RYR2: variants seen among roughly 807,000 people sequenced by gnomAD.
The protein encoded by RYR2 is ryanodine receptor 2.
Under a neutral mutation model 601.1 loss-of-function variants are expected in RYR2, and 227 were observed. That is an observed-to-expected ratio of 0.38 (90% CI 0.34 to 0.42). The LOEUF is 0.42. Among genes scored for constraint, RYR2 ranks in the 10% least tolerant of loss-of-function variants. The pLI is 1.00. For missense variants in RYR2, 4,646 were observed against 6,156.5 expected (o/e 0.75, Z 8.21); for synonymous variants, 2,223 against 2,175.1 (o/e 1.02, Z -0.61).
chr1:237,250,995 T>C (rs1687400458), intron 1 of RYR2, among the ~76,000 whole-genome samples: 2 of 151,664 alleles, frequency 1.3e-5, no homozygotes, highest in South Asian at 4.2e-4. Flanking sequence ...TGTCCTACCC[T>C]ACTTTATTTT....
rs536322665 is a variant in RYR2, at chr1:237,748,771, T to C, written c.11145+6422T>C. On this transcript the variant is annotated intron_variant, in intron 80 of 104. Coordinates refer to ENST00000366574, the MANE Select transcript of RYR2 (RefSeq NM_001035.3). ...TATAGAAGACATGCAGCTGGCCCTC[T>C]TTATCTGTGGCTTCCACATCCTTGG... 7.9e-5 allele frequency among the ~76,000 whole-genome samples: 12 copies of C among 152,342 alleles called. No individual in the cohort carries two copies. The East Asian group carries it at 2.3e-3, about 29-fold the overall frequency.
intron 2 of RYR2, among the ~76,000 whole-genome samples, chr1:237,299,632 C>T (rs377749551): frequency 6.6e-6 from 1 of 152,114 alleles, no homozygotes; most frequent in East Asian, 1.9e-4. Context: ...TATATTATCC[C>T]TGAGTGGTGG....
At chr1:237,539,766 G>T (rs1439977260) in intron 25 of RYR2, among the ~76,000 whole-genome samples, 1 of 152,106 alleles carries the variant, frequency 6.6e-6, no homozygotes, top group Non-Finnish European at 1.5e-5. Context: ...TTGATGGGTT[G>T]ATAGGTGCAG....
intron 2 of RYR2, among the ~76,000 whole-genome samples, chr1:237,318,939 A>G (rs965930954): frequency 3.3e-5 from 5 of 151,932 alleles, no homozygotes; most frequent in Non-Finnish European, 7.4e-5. Flanking sequence ...TGAGACTCCC[A>G]TTACACGTAT....
chr1:237,551,171 G>T (rs2148116883), intron 27 of RYR2, among the ~76,000 whole-genome samples: 1 of 152,296 alleles, frequency 6.6e-6, no homozygotes, highest in Non-Finnish European at 1.5e-5. Flanking sequence ...CTAACTATGT[G>T]TTGAACACAA....
intron 1 of RYR2, among the ~76,000 whole-genome samples, chr1:237,238,494 A>T (rs549214476): frequency 6.6e-6 from 1 of 152,320 alleles, no homozygotes; most frequent in South Asian, 2.1e-4. Flanking sequence ...GGGCTGTGTC[A>T]TGGGCCTTGG....
chr1:237,387,445 T>C, intron 9 of RYR2, 65 bp downstream of exon 9: 1 of 1,404,194 alleles, frequency 7.1e-7, no homozygotes, highest in Non-Finnish European at 1.0e-6. Context: ...TCTTTGGAAT[T>C]GTGATAATGA....
intron 1 of RYR2, among the ~76,000 whole-genome samples, chr1:237,061,242 TATCTATCTATC>T (rs1360791278): frequency 3.0e-5 from 4 of 134,778 alleles, no homozygotes; most frequent in Admixed American, 7.5e-5. Context: ...TCTATCTATC[TATCTATCTATC>T]ATCTATCTAT....
At chr1:237,624,416 G>C (rs949336759) in intron 39 of RYR2, among the ~76,000 whole-genome samples, 3 of 152,214 alleles carry the variant, frequency 2.0e-5, no homozygotes, top group Non-Finnish European at 4.4e-5. Context: ...ATTTATGTCT[G>C]TTCCTGGTGG....
At chr1:237,341,957 G>A (rs561578530) in intron 3 of RYR2, among the ~76,000 whole-genome samples, 6 of 152,170 alleles carry the variant, frequency 3.9e-5, no homozygotes, top group East Asian at 1.9e-4. Flanking sequence ...TCCCCCTTTC[G>A]TTGTCCAAAG....
At chr1:237,735,678 A>G (rs1558313540) in intron 79 of RYR2, among the ~76,000 whole-genome samples, 4 of 152,176 alleles carry the variant, frequency 2.6e-5, no homozygotes, top group Non-Finnish European at 5.9e-5. Flanking sequence ...AGAATGCTCA[A>G]ATCCCTGACT....
Position 237,178,551 on chromosome 1 carries a change from G to C in RYR2, c.49-91946G>C, listed in dbSNP as rs1000319249. Among the ~76,000 whole-genome samples the C allele has an allele frequency of 5.3e-5, 8 of 151,702 alleles. No homozygotes were observed. In the Admixed American group the frequency reaches 5.3e-4, roughly 10 times the overall value. ...TCTTAGATGTCAAAGTTGGCTAGTT[G>C]CGGTGGCTCACACCTCTAATCCCAG... On this transcript the variant is annotated intron_variant, in intron 1 of 104. Coordinates refer to ENST00000366574, the MANE Select transcript of RYR2 (RefSeq NM_001035.3).
At chr1:237,711,898 A>G (rs540242558) in intron 71 of RYR2, 61 bp downstream of exon 71, 9 of 799,480 alleles carry the variant, frequency 1.1e-5, no homozygotes, top group African/African-American at 1.0e-4. Context: ...TCATGAATTG[A>G]CTTTTTTTTT....
At chr1:237,209,756 T>A (rs1276473608) in intron 1 of RYR2, among the ~76,000 whole-genome samples, 1 of 152,096 alleles carries the variant, frequency 6.6e-6, no homozygotes, top group African/African-American at 2.4e-5. Context: ...CTTGGGAGGC[T>A]GAGTTGGGAG....
chr1:237,481,127 C>T lies in RYR2; in HGVS notation c.1709-10679C>T, dbSNP rs534501332. 5.6e-4 allele frequency among the ~76,000 whole-genome samples: 81 copies of T among 145,452 alleles called. 1 individual carries two copies. The highest frequency in any genetic ancestry group is 6.1e-4 in the Admixed American group (9 of 14,644). ...ATATACATATATATATATATATATA[C>T]ACACACATATATATATTCATATCAA... On this transcript the variant is annotated intron_variant, in intron 17 of 104. Transcript: ENST00000366574.
intron 1 of RYR2, among the ~76,000 whole-genome samples, chr1:237,160,591 C>A (rs914459003): frequency 2.0e-5 from 3 of 151,518 alleles, no homozygotes; most frequent in African/African-American, 7.3e-5. Flanking sequence ...GGCAGTGTAT[C>A]CCTGGGTGTC....
chr1:237,741,655 G>A (rs1392171969), intron 79 of RYR2, among the ~76,000 whole-genome samples: 1 of 152,090 alleles, frequency 6.6e-6, no homozygotes, highest in African/African-American at 2.4e-5. Flanking sequence ...AGGCTGGAAT[G>A]CAATGGCACA....
At chr1:237,123,919 G>A (rs906042460) in intron 1 of RYR2, among the ~76,000 whole-genome samples, 7 of 151,934 alleles carry the variant, frequency 4.6e-5, no homozygotes, top group Non-Finnish European at 2.9e-5. Flanking sequence ...CACCCGCCTC[G>A]GCCTCCCAAC....
intron 62 of RYR2, among the ~76,000 whole-genome samples, chr1:237,681,412 A>G (rs1477667012): frequency 6.6e-6 from 1 of 152,168 alleles, no homozygotes; most frequent in Non-Finnish European, 1.5e-5. Context: ...AGGGTGGAGA[A>G]GTGGAAAGAT....
Sources: gnomAD v4.1 joint callset for allele counts (sites outside exome capture counted in the v4.1 genomes callset) on GRCh38, gnomAD v4.1.1 for gene constraint, MANE v1.5 for transcripts, NCBI Gene and HGNC (gene_info 2026-07-23, HGNC 2026-07-21) for gene names.